PEPD: variants seen among roughly 807,000 people sequenced by gnomAD.
PEPD encodes the protein peptidase D.
A neutral mutation model predicts 60.7 loss-of-function variants in PEPD; 53 were observed. The observed-to-expected ratio is 0.87, with a 90% CI of 0.70 to 1.10. PEPD has a LOEUF of 1.10. Among genes scored for constraint, PEPD ranks in the 50% least tolerant of loss-of-function variants. The probability of loss-of-function intolerance (pLI) is 0.00; values close to 1 mark genes in which losing one functional copy is unlikely to be tolerated. For missense variants in PEPD, 711 were observed against 711.9 expected, an observed-to-expected ratio of 1.00 and a Z score of 0.01; for synonymous variants, 267 against 284.1, an observed-to-expected ratio of 0.94 and a Z score of 0.60.
intron 9 of PEPD, among the ~76,000 whole-genome samples, chr19:33,422,729 CCTCT>C (rs1417617920): frequency 1.3e-5 from 2 of 151,466 alleles, no homozygotes; most frequent in Admixed American, 6.6e-5. Context: ...TCCATCCATC[CCTCT>C]ATCAATCATC....
intron 7 of PEPD, among the ~76,000 whole-genome samples, chr19:33,467,156 C>CAAAA (rs72043066): frequency 8.1e-6 from 1 of 123,696 alleles, no homozygotes; most frequent in Non-Finnish European, 1.7e-5. Context: ...GACTCCGTCT[C>CAAAA]AAAAAAAAAA....
At chr19:33,390,123 T>C (rs535688413) in intron 13 of PEPD, among the ~76,000 whole-genome samples, 1 of 152,234 alleles carries the variant, frequency 6.6e-6, no homozygotes, top group Non-Finnish European at 1.5e-5. Context: ...AACAAATGAC[T>C]TTTATAGGAA....
At chr19:33,416,064 A>C (rs914288063) in intron 9 of PEPD, among the ~76,000 whole-genome samples, 1 of 152,198 alleles carries the variant, frequency 6.6e-6, no homozygotes, top group African/African-American at 2.4e-5. Context: ...GGCCTGTGGA[A>C]GCGTGTGAGC....
At chr19:33,521,668 T>C (rs1971138890) in intron 1 of PEPD, 76 bp downstream of exon 1, 1 of 1,463,776 alleles carries the variant, frequency 6.8e-7, no homozygotes, top group Middle Eastern at 2.4e-4. Context: ...GCTGACGCTC[T>C]CACCCGCGGT....
At chr19:33,423,348 T>A (rs1393385972) in intron 9 of PEPD, among the ~76,000 whole-genome samples, 1 of 152,248 alleles carries the variant, frequency 6.6e-6, no homozygotes, top group Non-Finnish European at 1.5e-5. Flanking sequence ...TGCCTCTCTG[T>A]ATGATGGCCA....
Position 33,521,654 on chromosome 19 carries a change from C to T in PEPD, c.17+90G>A. On this transcript the variant is annotated intron_variant, in intron 1 of 14. Coordinates refer to ENST00000244137, the MANE Select transcript of PEPD (RefSeq NM_000285.4). ...GCGCCTACCCGCGGCATTCAGCGAC[C>T]CCGGCTGACGCTCTCACCCGCGGTC... The T allele has an allele frequency of 7.2e-7, 1 of 1,395,086 alleles. No homozygotes were observed. The allele number at this position is 1,395,086 out of a possible 1,614,324, so 86.4% of individuals were successfully genotyped here.
At chr19:33,471,952 G>T (rs1427019463) in intron 7 of PEPD, among the ~76,000 whole-genome samples, 1 of 152,064 alleles carries the variant, frequency 6.6e-6, no homozygotes, top group African/African-American at 2.4e-5. Context: ...ACCTGAGGTC[G>T]GAAGTTCAAG....
chr19:33,514,460 TC>T (rs1970989636), intron 1 of PEPD, among the ~76,000 whole-genome samples: 1 of 151,858 alleles, frequency 6.6e-6, no homozygotes, highest in Admixed American at 6.6e-5. Flanking sequence ...CGGATGGTCT[TC>T]CCCGGCCTCC....
chr19:33,462,878 C>T (rs1969952435), intron 9 of PEPD, 117 bp downstream of exon 9: 1 of 783,568 alleles, frequency 1.3e-6, no homozygotes, highest in Non-Finnish European at 2.4e-6. Context: ...AAGCCCTGTT[C>T]ATAATCTCCG....
intron 9 of PEPD, among the ~76,000 whole-genome samples, chr19:33,460,284 C>T (rs563482056): frequency 2.9e-4 from 44 of 152,306 alleles, no homozygotes; most frequent in African/African-American, 9.9e-4. Context: ...CCCAAGAAGG[C>T]GCCTCCAGGC....
At chr19:33,444,556 C>T (rs1969554857) in intron 9 of PEPD, among the ~76,000 whole-genome samples, 1 of 150,160 alleles carries the variant, frequency 6.7e-6, no homozygotes, top group African/African-American at 2.4e-5. Flanking sequence ...CCCCTGCATC[C>T]AATCCACAGG....
chr19:33,401,645 C>T (rs1968492553), intron 12 of PEPD, 76 bp downstream of exon 12: 18 of 1,365,824 alleles, frequency 1.3e-5, no homozygotes, highest in Non-Finnish European at 1.5e-5. Context: ...AGACCCGTTC[C>T]CTGCAGGCAC....
intron 9 of PEPD, among the ~76,000 whole-genome samples, chr19:33,414,990 G>A (rs967474824): frequency 6.6e-6 from 1 of 152,230 alleles, no homozygotes; most frequent in African/African-American, 2.4e-5. Flanking sequence ...TCTCAGCGCT[G>A]AGTTTCGCCA....
intron 9 of PEPD, among the ~76,000 whole-genome samples, chr19:33,450,933 C>T (rs1239301460): frequency 6.6e-6 from 1 of 152,190 alleles, no homozygotes; most frequent in Non-Finnish European, 1.5e-5. Context: ...CAGGGAGTTA[C>T]CACCCCTTTC....
At chr19:33,514,112 G>C (rs983213424) in intron 1 of PEPD, among the ~76,000 whole-genome samples, 1 of 152,200 alleles carries the variant, frequency 6.6e-6, no homozygotes, top group African/African-American at 2.4e-5. Flanking sequence ...CAGGCTGGAG[G>C]CCGGGTGTGG....
intron 9 of PEPD, among the ~76,000 whole-genome samples, chr19:33,443,116 T>C (rs1356564050): frequency 6.6e-6 from 1 of 152,264 alleles, no homozygotes; most frequent in Admixed American, 6.5e-5. Context: ...TGGAAGCTCA[T>C]TGCCCCATCT....
At chr19:33,463,236 A>C (rs982267153) in intron 8 of PEPD, among the ~76,000 whole-genome samples, 195 bp from the exon 9 acceptor site, 1 of 152,234 alleles carries the variant, frequency 6.6e-6, no homozygotes, top group Non-Finnish European at 1.5e-5. Flanking sequence ...AGTTTATTTA[A>C]ACTGCTATGA....
At chr19:33,511,429 C>T (rs531686164) in intron 2 of PEPD, 9 of 440,986 alleles carry the variant, frequency 2.0e-5, no homozygotes, top group East Asian at 1.4e-4. Flanking sequence ...TCCCCACCCC[C>T]GGGCCCACAA....
intron 9 of PEPD, among the ~76,000 whole-genome samples, chr19:33,431,320 AC>A (rs1199072989): frequency 6.6e-6 from 1 of 151,882 alleles, no homozygotes; most frequent in Non-Finnish European, 1.5e-5. Flanking sequence ...CTATCAGGAA[AC>A]TCTACCATGG....
Sources: allele counts gnomAD v4.1 joint callset (sites outside exome capture counted in the v4.1 genomes callset), GRCh38; gene constraint gnomAD v4.1.1; transcripts MANE v1.5; gene names NCBI Gene and HGNC (gene_info 2026-07-23, HGNC 2026-07-21).